The following HCLS1 variants were observed in gnomAD, a reference collection of about 807,000 sequenced individuals.
HCLS1 encodes the protein hematopoietic cell-specific Lyn substrate 1.
In HCLS1, 44 loss-of-function variants were observed where a neutral mutation model predicts 68.6. The observed-to-expected ratio is 0.64, with a 90% CI of 0.50 to 0.82. The LOEUF (loss-of-function observed/expected upper bound fraction) is 0.82, where lower values mean the gene tolerates loss of function less well. Ranked by LOEUF, HCLS1 falls within the 40% of genes least tolerant of loss-of-function variation. HCLS1 has a pLI of 0.00. For missense variants in HCLS1, 602 were observed against 612.1 expected (o/e 0.98, Z 0.17); for synonymous variants, 217 against 225.8 (o/e 0.96, Z 0.35).
intron 1 of HCLS1, among the ~76,000 whole-genome samples, chr3:121,659,880 G>A (rs144773022): frequency 4.6e-5 from 7 of 152,330 alleles, no homozygotes; most frequent in Admixed American, 4.6e-4. Flanking sequence ...TGGCTCCTCT[G>A]AGGCCTCAGC....
In HCLS1 at chr3:121,633,075, G is replaced by T. The variant is rs766408141; in HGVS notation, c.1000C>A (p.Leu334Ile). Reference protein sequence around the residue: ...PVPLLPIRQTLPEDNEEPPAL... With the variant: ...PVPLLPIRQTIPEDNEEPPAL... ...TTTGGGGGTTTGCTTACCTCCGGGA[G>T]AGTCTGCCTAATGGGCAGCAAGGGC... The change falls in exon 11 of 14, where the codon CTC becomes ATC. Residue 334 changes from leucine to isoleucine, a missense_variant. Physicochemically the swap from Leu to Ile is conservative, Grantham distance 5 (BLOSUM62 2). Coordinates refer to ENST00000314583, the MANE Select transcript of HCLS1 (RefSeq NM_005335.6). The T allele has an allele frequency of 6.2e-7, 1 of 1,607,442 alleles. No homozygotes were observed. Among genetic ancestry groups the T allele is most frequent in the African/African-American group, 1.3e-5 (1 of 74,930 alleles).
chr3:121,637,978 A>G (rs2108858824), intron 6 of HCLS1, among the ~76,000 whole-genome samples: 1 of 152,280 alleles, frequency 6.6e-6, no homozygotes, highest in East Asian at 1.9e-4. Flanking sequence ...AAGGGAAAAA[A>G]TCCTGGCTCC....
At chr3:121,650,258 T>C (rs995261982) in intron 3 of HCLS1, among the ~76,000 whole-genome samples, 1 of 152,216 alleles carries the variant, frequency 6.6e-6, no homozygotes, top group Non-Finnish European at 1.5e-5. Context: ...AAATGATCTA[T>C]AGATTCAATG....
intron 6 of HCLS1, among the ~76,000 whole-genome samples, 159 bp downstream of exon 6, chr3:121,642,768 C>A (rs547206159): frequency 1.1e-4 from 17 of 152,156 alleles, no homozygotes; most frequent in African/African-American, 3.9e-4. Flanking sequence ...AGTGCAAGAC[C>A]CTGTCTCAAA....
At chr3:121,644,708 TC>T (rs1431454808) in intron 5 of HCLS1, 109 bp downstream of exon 5, 1 of 831,164 alleles carries the variant, frequency 1.2e-6, no homozygotes, top group Non-Finnish European at 2.1e-6. Flanking sequence ...CCTCACAGCA[TC>T]CACTGTCCTG....
intron 9 of HCLS1, among the ~76,000 whole-genome samples, chr3:121,635,034 C>T (rs1279901059): frequency 6.6e-6 from 1 of 152,024 alleles, no homozygotes; most frequent in Non-Finnish European, 1.5e-5. Context: ...ACCACTCATC[C>T]TCAACCTCAT....
intron 7 of HCLS1, among the ~76,000 whole-genome samples, chr3:121,636,818 C>T (rs1005236696): frequency 6.6e-6 from 1 of 152,174 alleles, no homozygotes; most frequent in African/African-American, 2.4e-5. Flanking sequence ...TCTTTATCCT[C>T]TGTGAGGACA....
At chr3:121,652,528 C>G (rs1171155779) in intron 3 of HCLS1, among the ~76,000 whole-genome samples, 2 of 152,092 alleles carry the variant, frequency 1.3e-5, no homozygotes, top group East Asian at 3.9e-4. Flanking sequence ...GTGGCACATG[C>G]CTGTAATCCC....
At position 121,647,380 on chromosome 3, in the gene HCLS1, C is replaced by T. The variant is rs1417654149; in HGVS notation, c.227G>A (p.Gly76Glu). ...TCCATAGCCATGGGATGCTTTGGGC[C>T]CTGACTCCATCTCTTTCTTCCTGAG... Reference protein sequence around the residue: ...DVLRKKEMESGPKASHGYGGR... With the variant: ...DVLRKKEMESEPKASHGYGGR... The change falls in exon 4 of 14, where the codon GGG becomes GAG. Residue 76 changes from glycine (G) to glutamate (E), a missense_variant. Gly to Glu is a moderately conservative substitution (Grantham distance 98). Coordinates refer to ENST00000314583, the MANE Select transcript of HCLS1 (RefSeq NM_005335.6). 1 of 1,613,970 alleles carries T rather than the reference C, an allele frequency of 6.2e-7. No homozygotes were observed. The highest frequency in any genetic ancestry group is 1.3e-5 in the African/African-American group (1 of 75,002).
intron 1 of HCLS1, 45 bp from the exon 2 acceptor site, chr3:121,658,392 C>G (rs754655049): frequency 4.2e-6 from 6 of 1,425,094 alleles, no homozygotes; most frequent in Non-Finnish European, 5.9e-6. Context: ...AAAAAAGGAT[C>G]AAGAGGAGGG....
chr3:121,659,367 A>G (rs914657043), intron 1 of HCLS1, among the ~76,000 whole-genome samples: 1 of 152,158 alleles, frequency 6.6e-6, no homozygotes, highest in Admixed American at 6.5e-5. Flanking sequence ...TGACCCTGGC[A>G]GCACTTGCTA....
chr3:121,659,440 C>A (rs13067629), intron 1 of HCLS1, among the ~76,000 whole-genome samples: 1 of 151,954 alleles, frequency 6.6e-6, no homozygotes, highest in Non-Finnish European at 1.5e-5. Flanking sequence ...TGCTCTCCAT[C>A]GTCTCCAAAG....
chr3:121,650,714 A>G (rs181335738), intron 3 of HCLS1, among the ~76,000 whole-genome samples: 24 of 152,360 alleles, frequency 1.6e-4, no homozygotes, highest in Non-Finnish European at 1.0e-4. Flanking sequence ...ACATCAAAGA[A>G]AGTCTTCACA....
intron 5 of HCLS1, chr3:121,643,380 C>T (rs2049218671): frequency 1.1e-5 from 2 of 176,398 alleles, no homozygotes; most frequent in African/African-American, 4.7e-5. Flanking sequence ...AAAGTGTCTA[C>T]TTAGTTTCAT....
intron 4 of HCLS1, among the ~76,000 whole-genome samples, chr3:121,646,686 T>G (rs1237057921): frequency 5.4e-4 from 64 of 117,558 alleles, no homozygotes; most frequent in Admixed American, 2.6e-3. Context: ...ATATAATATA[T>G]AAAATATAAT....
At chr3:121,655,467 T>A (rs1937843032) in intron 3 of HCLS1, 1 of 137,370 alleles carries the variant, frequency 7.3e-6, no homozygotes, top group Non-Finnish European at 1.6e-5. Context: ...TTGCTCTTTT[T>A]TTTTTTTTTT....
chr3:121,635,734 C>A lies in HCLS1; in HGVS notation c.691+1G>T. ...ATGGAGAGTGAATCACTAAGCCTCA[C>A]CGGCTTCTATGGGCGTCGTCTTCTT... On this transcript the variant is annotated splice_donor_variant, in intron 9 of 13. Transcript: ENST00000314583. LOFTEE classifies it high-confidence loss of function. The A allele has an allele frequency of 6.2e-7, 1 of 1,611,756 alleles. No individual in the cohort carries two copies. The highest frequency in any genetic ancestry group is 8.5e-7 in the Non-Finnish European group (1 of 1,177,834).
In HCLS1 at chr3:121,632,083, G is replaced by A. The variant is rs181543689; in HGVS notation, c.1324+18C>T. On this transcript the variant is annotated intron_variant, in intron 13 of 13. Transcript: ENST00000314583. ...GGGGCCTCCATGTACCAGGCTCCTC[G>A]GGCCACTCCCAACCTACCTCCTTGG... 2.5e-5 allele frequency: 40 copies of A among 1,613,354 alleles called. No individual in the cohort carries two copies. Among genetic ancestry groups the A allele is most frequent in the African/African-American group, 1.2e-4 (9 of 74,818 alleles).
At chr3:121,656,163 C>T (rs1482799168) in intron 3 of HCLS1, 1 of 152,078 alleles carries the variant, frequency 6.6e-6, no homozygotes, top group East Asian at 1.9e-4. Flanking sequence ...CCATTTATTT[C>T]TGATTAAACA....
Sources: allele counts gnomAD v4.1 joint callset (sites outside exome capture counted in the v4.1 genomes callset), GRCh38; gene constraint gnomAD v4.1.1; transcripts MANE v1.5; gene names NCBI Gene and HGNC (gene_info 2026-07-23, HGNC 2026-07-21).